MTUS1: variants seen among roughly 807,000 people sequenced by gnomAD.
The protein encoded by MTUS1 is microtubule-associated tumor suppressor 1.
In MTUS1, 109 loss-of-function variants were observed where a neutral mutation model predicts 120.8. The ratio of observed to expected loss-of-function variants is 0.90; its 90% CI spans 0.77 to 1.06. The LOEUF (loss-of-function observed/expected upper bound fraction) is 1.06, where lower values mean the gene tolerates loss of function less well. Ranked by LOEUF, MTUS1 falls within the 50% of genes least tolerant of loss-of-function variation. The probability of loss-of-function intolerance (pLI) is 0.00; values close to 1 mark genes in which losing one functional copy is unlikely to be tolerated. For missense variants in MTUS1, 2,210 were observed against 1,486.3 expected (o/e 1.49, Z -8.01); for synonymous variants, 737 against 550.5 (o/e 1.34, Z -4.74).
chr8:17,747,259 ATCT>A (rs1354652154), intron 2 of MTUS1, among the ~76,000 whole-genome samples: 3 of 152,008 alleles, frequency 2.0e-5, no homozygotes, highest in African/African-American at 7.2e-5. Context: ...AAATTAGAAA[ATCT>A]TCTCATATTT....
Position 17,701,669 on chromosome 8 carries a change from TC to T in MTUS1, c.2623+11544del, listed in dbSNP as rs374374513. On this transcript the variant is annotated intron_variant, in intron 6 of 14. Transcript: ENST00000693296. ...TTCAAGTGATTCTCCTGCCTCAGCC[TC>T]CTGAGTAGCTGGGACTACAGGCGCC... Among the ~76,000 whole-genome samples the T allele has an allele frequency of 1.1e-3, 166 of 152,218 alleles. 2 individuals carry two copies. Among genetic ancestry groups the T allele is most frequent in the Middle Eastern group, 3.4e-3 (1 of 294 alleles).
At chr8:17,665,532 T>TGTA in intron 8 of MTUS1, among the ~76,000 whole-genome samples, 1 of 151,882 alleles carries the variant, frequency 6.6e-6, no homozygotes, top group Non-Finnish European at 1.5e-5. Context: ...TTGTTGTTGT[T>TGTA]GTGTTTTGAG....
chr8:17,706,504 TTA>T (rs1820190197), intron 6 of MTUS1, among the ~76,000 whole-genome samples: 1 of 152,208 alleles, frequency 6.6e-6, no homozygotes, highest in Non-Finnish European at 1.5e-5. Context: ...TTTTAAACTA[TTA>T]TGTTAGTCAA....
chr8:17,792,747 C>T (rs969343125), intron 1 of MTUS1, among the ~76,000 whole-genome samples: 1 of 152,142 alleles, frequency 6.6e-6, no homozygotes, highest in Non-Finnish European at 1.5e-5. Flanking sequence ...ACCTGTAGTG[C>T]CAGGTACTCA....
intron 2 of MTUS1, among the ~76,000 whole-genome samples, chr8:17,752,404 A>T (rs2048268215): frequency 6.6e-6 from 1 of 152,202 alleles, no homozygotes; most frequent in Non-Finnish European, 1.5e-5. Flanking sequence ...ATTATAAATG[A>T]TATCGGTTTT....
chr8:17,673,812 G>A (rs539754710), intron 8 of MTUS1, among the ~76,000 whole-genome samples: 1 of 152,220 alleles, frequency 6.6e-6, no homozygotes, highest in African/African-American at 2.4e-5. Flanking sequence ...GGTGAAGGTG[G>A]GAGAATTAAG....
At chr8:17,778,937 T>C (rs1051429764) in intron 1 of MTUS1, among the ~76,000 whole-genome samples, 1 of 152,204 alleles carries the variant, frequency 6.6e-6, no homozygotes, top group African/African-American at 2.4e-5. Context: ...ATGTACTGAG[T>C]GCCCATCTAA....
At chr8:17,691,041 A>C (rs1189068946) in intron 6 of MTUS1, among the ~76,000 whole-genome samples, 2 of 152,200 alleles carry the variant, frequency 1.3e-5, no homozygotes, top group African/African-American at 4.8e-5. Context: ...AACCAGAATA[A>C]ATTGTTCTAA....
At chr8:17,701,378 A>G (rs1012625724) in intron 6 of MTUS1, among the ~76,000 whole-genome samples, 1 of 152,208 alleles carries the variant, frequency 6.6e-6, no homozygotes, top group Admixed American at 6.5e-5. Flanking sequence ...AACACAAAGC[A>G]ATTAGAAAAA....
At chr8:17,782,151 A>T (rs1442498962) in intron 1 of MTUS1, among the ~76,000 whole-genome samples, 1 of 152,262 alleles carries the variant, frequency 6.6e-6, no homozygotes, top group East Asian at 1.9e-4. Flanking sequence ...CAACTCAATG[A>T]TGGGATTTTT....
chr8:17,755,285 G>A lies in MTUS1; in HGVS notation c.523C>T (p.His175Tyr), dbSNP rs979491499. Residue 175 changes from histidine to tyrosine, a missense_variant, in exon 2 of 15, where the codon CAT becomes TAT. By Grantham distance (83) the His-to-Tyr change is moderately conservative (BLOSUM62 2). Coordinates refer to ENST00000693296, the MANE Select transcript of MTUS1 (RefSeq NM_001363059.2). ...VDKVNCTFIS[H>Y]HAIGKSQSFH... ...GACTGACTCTTTCCGATGGCATGAT[G>A]TGATATAAAGGTGCAGTTAACTTTA... The A allele has an allele frequency of 6.2e-7, 1 of 1,614,202 alleles. No individual in the cohort carries two copies. The highest frequency in any genetic ancestry group is 8.5e-7 in the Non-Finnish European group (1 of 1,180,020).
Position 17,674,869 on chromosome 8 carries a change from A to C in MTUS1, c.2905+317T>G, listed in dbSNP as rs537018786. ...CTCATATGAAAAGTGCTTCAGAAAA[A>C]AAAATGACAACATTATTTAACAGGA... On this transcript the variant is annotated intron_variant, in intron 8 of 14. Transcript: ENST00000693296. The C allele has an allele frequency of 4.4e-5, 51 of 1,150,834 alleles. No individual in the cohort carries two copies. In the African/African-American group the frequency reaches 6.2e-4, roughly 14 times the overall value. The allele number at this position is 1,150,834 out of a possible 1,614,324, so 71.3% of individuals were successfully genotyped here.
chr8:17,798,334 G>C (rs1489252907), intron 1 of MTUS1, among the ~76,000 whole-genome samples: 1 of 151,654 alleles, frequency 6.6e-6, no homozygotes, highest in Non-Finnish European at 1.5e-5. Context: ...TTAGAATTTG[G>C]GGAATTTTTT....
chr8:17,759,291 T>C (rs1461519208), intron 1 of MTUS1, among the ~76,000 whole-genome samples: 1 of 151,078 alleles, frequency 6.6e-6, no homozygotes, highest in Admixed American at 6.6e-5. Flanking sequence ...TGAGACAAGG[T>C]CTCACTTTGT....
intron 8 of MTUS1, among the ~76,000 whole-genome samples, chr8:17,656,551 C>CT (rs1176587457): frequency 7.9e-6 from 1 of 125,860 alleles, no homozygotes; most frequent in African/African-American, 2.8e-5. Flanking sequence ...CAAAACCCCC[C>CT]CCCACCCCAC....
intron 8 of MTUS1, among the ~76,000 whole-genome samples, chr8:17,658,393 C>T (rs573267051): frequency 6.6e-6 from 1 of 152,280 alleles, no homozygotes; most frequent in East Asian, 1.9e-4. Flanking sequence ...GAATGACTAA[C>T]AATATAATAC....
At chr8:17,651,540 T>A (rs1035556299) in intron 12 of MTUS1, 3 of 152,018 alleles carry the variant, frequency 2.0e-5, no homozygotes, top group African/African-American at 7.2e-5. Context: ...TTTTTTTTTT[T>A]TTTTTACCTT....
chr8:17,687,223 G>T (rs114046728), intron 6 of MTUS1, among the ~76,000 whole-genome samples: 1 of 152,096 alleles, frequency 6.6e-6, no homozygotes, highest in Non-Finnish European at 1.5e-5. Context: ...ACCATCTTCC[G>T]CTCCATATAC....
At chr8:17,791,534 C>A (rs949617886) in intron 1 of MTUS1, among the ~76,000 whole-genome samples, 12 of 152,098 alleles carry the variant, frequency 7.9e-5, no homozygotes, top group African/African-American at 2.9e-4. Flanking sequence ...AGCAAAGAGG[C>A]AACATAATTT....
Sources: allele counts gnomAD v4.1 joint callset (sites outside exome capture counted in the v4.1 genomes callset), GRCh38; gene constraint gnomAD v4.1.1; transcripts MANE v1.5; gene names NCBI Gene and HGNC (gene_info 2026-07-23, HGNC 2026-07-21).